Variants in CLYBL observed in about 807,000 individuals in gnomAD.
CLYBL encodes the protein citramalyl-CoA lyase, also known as citramalyl-CoA lyase, mitochondrial.
CLYBL carries 31 observed loss-of-function variants against 38.9 expected under a neutral mutation model. The ratio of observed to expected loss-of-function variants is 0.80; its 90% CI spans 0.60 to 1.08. The LOEUF (loss-of-function observed/expected upper bound fraction) is 1.08. Ranked by LOEUF, CLYBL falls within the 50% of genes least tolerant of loss-of-function variation. The pLI, the probability that CLYBL is intolerant of heterozygous loss-of-function variation, is 0.00. For synonymous variants in CLYBL, 171 were observed against 158.6 expected (o/e 1.08, Z -0.59); for missense variants, 434 against 411.6 (o/e 1.05, Z -0.47).
chr13:99,675,835 A>G (rs958922172), intron 1 of CLYBL, among the ~76,000 whole-genome samples: 8 of 152,206 alleles, frequency 5.3e-5, no homozygotes, highest in African/African-American at 1.7e-4. Flanking sequence ...TAATGCTGCT[A>G]TGAACATTTC....
intron 2 of CLYBL, among the ~76,000 whole-genome samples, chr13:99,848,409 G>A (rs966701582): frequency 2.0e-5 from 3 of 152,148 alleles, no homozygotes; most frequent in Non-Finnish European, 2.9e-5. Context: ...TAATCCCTCT[G>A]GATAAAAAGT....
chr13:99,631,395 TATATA>T (rs778505165), intron 1 of CLYBL, among the ~76,000 whole-genome samples: 7 of 151,624 alleles, frequency 4.6e-5, no homozygotes, highest in Non-Finnish European at 1.0e-4. Context: ...TATATGCAAA[TATATA>T]ATATATACAT....
intron 7 of CLYBL, among the ~76,000 whole-genome samples, chr13:99,884,666 G>C (rs545535949): frequency 1.3e-5 from 2 of 152,194 alleles, no homozygotes; most frequent in East Asian, 3.9e-4. Context: ...GCCTGCTGTC[G>C]TAAGTCCCTG....
chr13:99,909,284 T>C (rs2052727144), exon 10 of CLYBL, among the ~76,000 whole-genome samples: 1 of 152,258 alleles, frequency 6.6e-6, no homozygotes, highest in African/African-American at 2.4e-5. Flanking sequence ...TTCACCTCTC[T>C]GGGCTTCAGT....
chr13:99,893,633 G>C (rs1305243807), downstream of CLYBL: 1 of 152,552 alleles, frequency 6.6e-6, no homozygotes, highest in African/African-American at 2.4e-5. Flanking sequence ...GGCTTGAGGG[G>C]ATGAAGGGCT....
chr13:99,843,519 G>A (rs1752657290), intron 2 of CLYBL, among the ~76,000 whole-genome samples: 1 of 152,056 alleles, frequency 6.6e-6, no homozygotes, highest in Non-Finnish European at 1.5e-5. Flanking sequence ...TACCTAAAAT[G>A]GTAGCTGACA....
At chr13:99,883,243 G>A (rs916700654) in intron 7 of CLYBL, among the ~76,000 whole-genome samples, 1 of 152,032 alleles carries the variant, frequency 6.6e-6, no homozygotes, top group South Asian at 2.1e-4. Flanking sequence ...AGAACCGACC[G>A]GGCGCAGTGG....
chr13:99,748,478 C>T (rs1395113106), intron 1 of CLYBL, among the ~76,000 whole-genome samples: 4 of 115,796 alleles, frequency 3.5e-5, no homozygotes, highest in Middle Eastern at 8.6e-3. Context: ...CTCACTCTGT[C>T]GCCCAGGTTG....
intron 1 of CLYBL, among the ~76,000 whole-genome samples, chr13:99,745,461 GA>G (rs60033693): frequency 4.9e-4 from 73 of 150,368 alleles, no homozygotes; most frequent in African/African-American, 1.5e-3. Context: ...ACTGAATTAA[GA>G]AAAAAAAATA....
chr13:99,891,764 C>A (rs999120218), intron 8 of CLYBL: 1 of 181,108 alleles, frequency 5.5e-6, no homozygotes, highest in East Asian at 1.6e-4. Flanking sequence ...TTCCCTCCAC[C>A]CTTCTCATGT....
rs552566381 is a variant in CLYBL at position 99,800,901 on chromosome 13, A to C, written c.249+27891A>C. ...ATTAAAAAACAACAACAACAAAAAAAAAAAACAAAAAAAAAAAAACGTAAT... is the reference window on the plus strand; with the variant it reads ...ATTAAAAAACAACAACAACAAAAAACAAAAACAAAAAAAAAAAAACGTAAT... On this transcript the variant is annotated intron_variant, in intron 2 of 8. Transcript: ENST00000339105. Among the ~76,000 whole-genome samples the C allele has an allele frequency of 4.7e-3, 623 of 133,142 alleles. 3 individuals carry two copies. The highest frequency in any genetic ancestry group is 7.1e-3 in the Non-Finnish European group (414 of 58,542). 87.3% of individuals were successfully genotyped at this position (133,142 alleles called of 152,430 possible).
chr13:99,777,759 C>T (rs987903598), intron 2 of CLYBL, among the ~76,000 whole-genome samples: 2 of 152,232 alleles, frequency 1.3e-5, no homozygotes, highest in East Asian at 1.9e-4. Flanking sequence ...TCCCAAAGTG[C>T]TGGGATTACA....
chr13:99,764,105 C>T (rs2049220768), intron 1 of CLYBL, among the ~76,000 whole-genome samples: 1 of 138,542 alleles, frequency 7.2e-6, no homozygotes, highest in Admixed American at 7.0e-5. Context: ...TGCAGCAGTG[C>T]AGTCACAGCT....
intron 1 of CLYBL, among the ~76,000 whole-genome samples, chr13:99,755,248 C>T (rs976661725): frequency 2.0e-5 from 3 of 152,196 alleles, no homozygotes; most frequent in African/African-American, 7.2e-5. Context: ...CTGTCCTCCT[C>T]TTTTCTGGGC....
rs150405963 is a variant in CLYBL, at chr13:99,648,680, C to A, written c.62+41923C>A. Among the ~76,000 whole-genome samples the A allele has an allele frequency of 2.5e-4, 38 of 152,272 alleles. No individual in the cohort carries two copies. The East Asian group carries it at 7.1e-3, about 29-fold the overall frequency. On this transcript the variant is annotated intron_variant, in intron 1 of 8. Coordinates refer to ENST00000339105, the MANE Select transcript of CLYBL (RefSeq NM_206808.5). ...TTGCACTGTTATCAGTGTTTAGGGT[C>A]TTTTCTACACTTGCTTTGATTCTGG...
chr13:99,764,051 AT>A (rs2049219076), intron 1 of CLYBL, among the ~76,000 whole-genome samples: 2 of 150,998 alleles, frequency 1.3e-5, no homozygotes, highest in Non-Finnish European at 3.0e-5. Flanking sequence ...AAAAAAAAAA[AT>A]TTTTTTTTGA....
At chr13:99,632,888 A>G (rs1341868074) in intron 1 of CLYBL, among the ~76,000 whole-genome samples, 3 of 152,246 alleles carry the variant, frequency 2.0e-5, no homozygotes, top group Non-Finnish European at 2.9e-5. Context: ...AAATACATTC[A>G]AAGACTTAAT....
intron 1 of CLYBL, among the ~76,000 whole-genome samples, chr13:99,669,414 C>CTATACTAAAAATA: frequency 6.6e-6 from 1 of 152,098 alleles, no homozygotes; most frequent in Non-Finnish European, 1.5e-5. Context: ...TGCAAAAATT[C>CTATACTAAAAATA]CACAAGCACA....
chr13:99,667,216 C>T (rs1029417477), intron 1 of CLYBL, among the ~76,000 whole-genome samples: 6 of 152,108 alleles, frequency 3.9e-5, no homozygotes, highest in African/African-American at 1.4e-4. Context: ...GAACTTATAA[C>T]AACAGATTCT....
Sources: allele counts gnomAD v4.1 joint callset (sites outside exome capture counted in the v4.1 genomes callset), GRCh38; gene constraint gnomAD v4.1.1; transcripts MANE v1.5; gene names NCBI Gene and HGNC (gene_info 2026-07-23, HGNC 2026-07-21).